Variants in FLT3 observed in about 807,000 individuals in gnomAD.
FLT3 encodes fms related receptor tyrosine kinase 3.
FLT3 carries 46 observed loss-of-function variants against 126.6 expected under a neutral mutation model. That is an observed-to-expected ratio of 0.36 (90% CI 0.29 to 0.46). FLT3 has a LOEUF of 0.46. Ranked by LOEUF, FLT3 falls within the 20% of genes least tolerant of loss-of-function variation. FLT3 has a pLI of 1.00. For missense variants in FLT3, 1,069 were observed against 1,190.3 expected (o/e 0.90, Z 1.50); for synonymous variants, 404 against 434.4 (o/e 0.93, Z 0.87).
At chr13:28,079,505 A>T (rs1004370697) in intron 1 of FLT3, among the ~76,000 whole-genome samples, 5 of 152,120 alleles carry the variant, frequency 3.3e-5, no homozygotes, top group Non-Finnish European at 7.3e-5. Flanking sequence ...CTCTACTGGT[A>T]CCAATTTACT....
chr13:28,023,611 A>G, intron 18 of FLT3, 134 bp from the exon 19 acceptor site: 2 of 944,254 alleles, frequency 2.1e-6, no homozygotes, highest in Non-Finnish European at 3.2e-6. Context: ...TCTTCCCGGC[A>G]GCATTAGAGA....
chr13:28,023,589 G>T, intron 18 of FLT3, 112 bp from the exon 19 acceptor site: 1 of 1,147,356 alleles, frequency 8.7e-7, no homozygotes, highest in Non-Finnish European at 1.3e-6. Flanking sequence ...AAGACATGAA[G>T]CTATCGCATT....
intron 1 of FLT3, among the ~76,000 whole-genome samples, chr13:28,075,899 G>A: frequency 6.6e-6 from 1 of 151,198 alleles, no homozygotes; most frequent in Non-Finnish European, 1.5e-5. Context: ...AGGTTCCAGT[G>A]ATCCTCCTGC....
At chr13:28,036,567 CTT>C (rs1423677413) in intron 10 of FLT3, among the ~76,000 whole-genome samples, 1 of 152,224 alleles carries the variant, frequency 6.6e-6, no homozygotes, top group African/African-American at 2.4e-5. Flanking sequence ...GATAAAATGA[CTT>C]TCAGCCTTTC....
intron 2 of FLT3, among the ~76,000 whole-genome samples, chr13:28,066,448 C>T (rs527385884): frequency 6.6e-6 from 1 of 152,188 alleles, no homozygotes; most frequent in South Asian, 2.1e-4. Context: ...AAGAAAAATA[C>T]AAGATGAACC....
intron 13 of FLT3, 33 bp downstream of exon 13, chr13:28,034,268 G>A (rs2137676874): frequency 6.2e-7 from 1 of 1,613,284 alleles, no homozygotes; most frequent in Non-Finnish European, 8.5e-7. Context: ...GCAGATAGAG[G>A]AAAGAATAAT....
chr13:28,017,055 CACATGCTGTGTAACCATGG>C (rs920680928), intron 20 of FLT3, among the ~76,000 whole-genome samples: 2 of 152,162 alleles, frequency 1.3e-5, no homozygotes, highest in African/African-American at 4.8e-5. Context: ...TGTTCAAGTC[CACATGCTGTGTAACCATGG>C]GCGAGTTACT....
At chr13:28,059,552 A>G (rs768361345) in intron 3 of FLT3, among the ~76,000 whole-genome samples, 3 of 152,230 alleles carry the variant, frequency 2.0e-5, no homozygotes, top group Non-Finnish European at 1.5e-5. Context: ...TAATCTGTAG[A>G]TAGCACATAA....
intron 18 of FLT3, among the ~76,000 whole-genome samples, chr13:28,023,834 G>A (rs897365584): frequency 7.3e-5 from 11 of 151,512 alleles, no homozygotes; most frequent in Admixed American, 2.6e-4. Context: ...TCGCTCTGTC[G>A]CCCAGGCTGG....
At chr13:28,064,227 C>G (rs1333249344) in intron 2 of FLT3, among the ~76,000 whole-genome samples, 2 of 152,170 alleles carry the variant, frequency 1.3e-5, no homozygotes, top group Non-Finnish European at 2.9e-5. Flanking sequence ...AACCAAAACA[C>G]AGTAGACAAC....
In FLT3 at chr13:28,028,119, C is replaced by T. The variant is rs61944200; in HGVS notation, c.2053+59G>A. On this transcript the variant is annotated intron_variant, in intron 16 of 23. Transcript: ENST00000241453. ...AGAGAGAGAGAGAGAGAGCAAACAT[C>T]CTCTTTGTCATCAAGCTACAGTCTT... The T allele has an allele frequency of 0.18, 149,274 of 824,610 alleles. 14,457 individuals carry two copies. Among genetic ancestry groups the T allele is most frequent in the Middle Eastern group, 0.24 (1,085 of 4,480 alleles). 51.1% of individuals were successfully genotyped at this position (824,610 alleles called of 1,614,324 possible).
intron 3 of FLT3, among the ~76,000 whole-genome samples, chr13:28,059,335 A>G (rs1330844997): frequency 6.6e-6 from 1 of 152,166 alleles, no homozygotes; most frequent in Non-Finnish European, 1.5e-5. Context: ...GACAGCCACA[A>G]GAATGTAAAA....
At chr13:28,092,855 A>G (rs1879205357) in intron 1 of FLT3, among the ~76,000 whole-genome samples, 1 of 147,820 alleles carries the variant, frequency 6.8e-6, no homozygotes, top group African/African-American at 2.5e-5. Context: ...GCATGCTCAC[A>G]CACACATACA....
At chr13:28,088,982 AC>A (rs1878862303) in intron 1 of FLT3, among the ~76,000 whole-genome samples, 1 of 152,140 alleles carries the variant, frequency 6.6e-6, no homozygotes, top group African/African-American at 2.4e-5. Flanking sequence ...TATGCAAAGA[AC>A]CCTTAAAACC....
intron 3 of FLT3, among the ~76,000 whole-genome samples, chr13:28,060,376 C>G (rs1190366111): frequency 7.0e-6 from 1 of 143,238 alleles, no homozygotes; most frequent in Admixed American, 7.4e-5. Flanking sequence ...GAGGTGAGAT[C>G]GTGCCACTGC....
intron 1 of FLT3, among the ~76,000 whole-genome samples, chr13:28,088,540 G>T (rs188694492): frequency 3.4e-4 from 52 of 150,914 alleles, no homozygotes; most frequent in African/African-American, 1.2e-3. Flanking sequence ...CACCTGCCTT[G>T]GCCTCCCAAA....
chr13:28,085,353 A>G (rs1878606099), intron 1 of FLT3, among the ~76,000 whole-genome samples: 1 of 148,554 alleles, frequency 6.7e-6, no homozygotes. Context: ...CAAAAAAAAA[A>G]AAAAAAAAAA....
intron 1 of FLT3, among the ~76,000 whole-genome samples, chr13:28,092,698 A>G (rs1879192620): frequency 6.6e-6 from 1 of 152,076 alleles, no homozygotes; most frequent in African/African-American, 2.4e-5. Flanking sequence ...AGACACCAGA[A>G]GTGTCTTTCT....
At chr13:28,063,548 T>A (rs1224535547) in intron 2 of FLT3, among the ~76,000 whole-genome samples, 1 of 151,990 alleles carries the variant, frequency 6.6e-6, no homozygotes, top group Non-Finnish European at 1.5e-5. Context: ...TGCTGTGGAG[T>A]CCCCCACCTC....
Sources: gnomAD v4.1 joint callset for allele counts (sites outside exome capture counted in the v4.1 genomes callset) on GRCh38, gnomAD v4.1.1 for gene constraint, MANE v1.5 for transcripts, NCBI Gene and HGNC (gene_info 2026-07-23, HGNC 2026-07-21) for gene names.